The following RBFOX1 variants were observed in gnomAD, a reference collection of about 807,000 sequenced individuals.
The protein encoded by RBFOX1 is RNA binding fox-1 homolog 1.
A neutral mutation model predicts 57.7 loss-of-function variants in RBFOX1; 8 were observed. The ratio of observed to expected loss-of-function variants is 0.14; its 90% CI spans 0.08 to 0.25. RBFOX1 has a LOEUF of 0.25. Ranked by LOEUF, RBFOX1 falls within the 10% of genes least tolerant of loss-of-function variation. The probability of loss-of-function intolerance (pLI) is 1.00; values close to 1 mark genes in which losing one functional copy is unlikely to be tolerated. For synonymous variants in RBFOX1, 326 were observed against 222.4 expected, an observed-to-expected ratio of 1.47 and a Z score of -4.15; for missense variants, 611 against 548.5, an observed-to-expected ratio of 1.11 and a Z score of -1.14.
intron 6 of RBFOX1, among the ~76,000 whole-genome samples, chr16:7,586,470 T>G (rs1005382472): frequency 1.3e-5 from 2 of 152,328 alleles, no homozygotes; most frequent in East Asian, 1.9e-4. Flanking sequence ...GTCGTTGAAT[T>G]TGAAGTTCAA....
chr16:5,309,447 C>G (rs988525086), intron 1 of RBFOX1, among the ~76,000 whole-genome samples: 29 of 152,182 alleles, frequency 1.9e-4, no homozygotes, highest in African/African-American at 6.5e-4. Context: ...TGAAGTTTAC[C>G]TAGAGGTTCA....
chr16:6,534,874 A>C (rs1249747660), intron 2 of RBFOX1, among the ~76,000 whole-genome samples: 1 of 152,194 alleles, frequency 6.6e-6, no homozygotes, highest in Non-Finnish European at 1.5e-5. Flanking sequence ...ATGAATGACC[A>C]TGAAAAGTCC....
chr16:5,738,656 G>T (rs1468278572), intron 3 of RBFOX1, among the ~76,000 whole-genome samples: 1 of 106,432 alleles, frequency 9.4e-6, no homozygotes, highest in South Asian at 3.3e-4. Context: ...AAAAAAAAAA[G>T]GGAAATCTAA....
At chr16:5,329,899 C>G (rs886994170) in intron 1 of RBFOX1, among the ~76,000 whole-genome samples, 2 of 150,512 alleles carry the variant, frequency 1.3e-5, no homozygotes, top group Non-Finnish European at 2.9e-5. Flanking sequence ...GATGTGATGG[C>G]GTGAATCCGG....
chr16:6,934,580 C>T (rs1406900633), intron 3 of RBFOX1, among the ~76,000 whole-genome samples: 2 of 152,150 alleles, frequency 1.3e-5, no homozygotes, highest in Non-Finnish European at 2.9e-5. Flanking sequence ...ATAACAAAGT[C>T]ATGTCATTTG....
At chr16:6,593,160 C>T (rs2097736560) in intron 2 of RBFOX1, among the ~76,000 whole-genome samples, 1 of 152,082 alleles carries the variant, frequency 6.6e-6, no homozygotes, top group African/African-American at 2.4e-5. Context: ...CCATTGCGCT[C>T]CAGCCTGGGC....
At chr16:6,575,749 C>T (rs949904324) in intron 2 of RBFOX1, among the ~76,000 whole-genome samples, 8 of 151,326 alleles carry the variant, frequency 5.3e-5, no homozygotes, top group African/African-American at 1.7e-4. Flanking sequence ...CCCAGGTACT[C>T]GGGAGGCTGA....
intron 4 of RBFOX1, among the ~76,000 whole-genome samples, chr16:5,969,027 T>C (rs1300768859): frequency 2.0e-5 from 3 of 152,126 alleles, no homozygotes; most frequent in Non-Finnish European, 2.9e-5. Flanking sequence ...TTCTTGGTTA[T>C]TAAAATGAGT....
At chr16:5,331,187 C>T (rs2064745444) in intron 1 of RBFOX1, among the ~76,000 whole-genome samples, 1 of 152,144 alleles carries the variant, frequency 6.6e-6, no homozygotes, top group Non-Finnish European at 1.5e-5. Flanking sequence ...TGGAATTGGA[C>T]ATTGGTTATT....
At chr16:6,596,338 G>C (rs1427264487) in intron 2 of RBFOX1, among the ~76,000 whole-genome samples, 1 of 152,196 alleles carries the variant, frequency 6.6e-6, no homozygotes, top group Non-Finnish European at 1.5e-5. Context: ...TGGATATCCA[G>C]TTACCCCAGC....
intron 2 of RBFOX1, among the ~76,000 whole-genome samples, chr16:6,317,368 T>C (rs1045041842): frequency 1.3e-5 from 2 of 152,148 alleles, no homozygotes; most frequent in South Asian, 2.1e-4. Flanking sequence ...CCCCCTAAGG[T>C]TTTCTTATCA....
intron 2 of RBFOX1, among the ~76,000 whole-genome samples, chr16:6,425,285 C>T (rs958776589): frequency 6.6e-6 from 1 of 152,152 alleles, no homozygotes; most frequent in Admixed American, 6.6e-5. Context: ...TAACATTGGG[C>T]TCTCACTTTA....
At chr16:7,694,012 A>G (rs1298444930) in intron 14 of RBFOX1, among the ~76,000 whole-genome samples, 4 of 152,140 alleles carry the variant, frequency 2.6e-5, no homozygotes, top group East Asian at 1.9e-4. Flanking sequence ...GTCCATCAAA[A>G]TAACACCTGT....
intron 3 of RBFOX1, among the ~76,000 whole-genome samples, chr16:5,659,812 C>G (rs1029466558): frequency 1.3e-5 from 2 of 152,130 alleles, no homozygotes; most frequent in East Asian, 1.9e-4. Context: ...TGTCATCAGT[C>G]AAATCATTGG....
chr16:7,058,171 A>G (rs2053068864), intron 4 of RBFOX1, among the ~76,000 whole-genome samples: 1 of 152,266 alleles, frequency 6.6e-6, no homozygotes, highest in South Asian at 2.1e-4. Flanking sequence ...TCTTACTCAC[A>G]GCTTTCAGGC....
In RBFOX1 at chr16:5,771,199, C is replaced by T. The variant is rs567710777; in HGVS notation, c.319-96104C>T. ...AGACACAGCGGGGCTACCCCATAGG[C>T]AGATAGCATTTGTGGACTGCTCGCT... On this transcript the variant is annotated intron_variant, in intron 3 of 19. Coordinates refer to the RBFOX1 transcript ENST00000641259. 5.3e-5 allele frequency among the ~76,000 whole-genome samples: 8 copies of T among 152,350 alleles called. No homozygotes were observed. The South Asian group carries it at 1.7e-3, about 32-fold the overall frequency.
chr16:6,665,747 A>G (rs2098728616), intron 3 of RBFOX1, among the ~76,000 whole-genome samples: 1 of 150,994 alleles, frequency 6.6e-6, no homozygotes. Flanking sequence ...AGGATTTACT[A>G]CATGCCATAG....
At chr16:7,479,880 A>C (rs1888247559) in intron 4 of RBFOX1, among the ~76,000 whole-genome samples, 1 of 152,214 alleles carries the variant, frequency 6.6e-6, no homozygotes, top group African/African-American at 2.4e-5. Context: ...TTTTCAGCTT[A>C]AATGTGAGTT....
rs113032127 is a variant in RBFOX1 at position 6,874,489 on chromosome 16, C to T, written c.-15-177568C>T. Among the ~76,000 whole-genome samples the T allele has an allele frequency of 2.4e-4, 29 of 118,910 alleles. 1 individual carries two copies. Among genetic ancestry groups the T allele is most frequent in the African/African-American group, 7.7e-4 (23 of 29,810 alleles). The allele number at this position is 118,910 out of a possible 152,430, so 78.0% of individuals were successfully genotyped here. ...TCATGCCACTGCACTCCAGGCTGGG[C>T]GACAGAGCAAGACTCCATCTAAAAA... On this transcript the variant is annotated intron_variant, in intron 3 of 15. Coordinates refer to ENST00000550418, the MANE Select transcript of RBFOX1 (RefSeq NM_018723.4).
Sources: gnomAD v4.1 joint callset for allele counts (sites outside exome capture counted in the v4.1 genomes callset) on GRCh38, gnomAD v4.1.1 for gene constraint, MANE v1.5 for transcripts, NCBI Gene and HGNC (gene_info 2026-07-23, HGNC 2026-07-21) for gene names.